Variants in MED12L observed in about 807,000 individuals in gnomAD.
MED12L encodes the protein mediator of RNA polymerase II transcription subunit 12-like protein.
Under a neutral mutation model 281.3 loss-of-function variants are expected in MED12L, and 60 were observed. That is an observed-to-expected ratio of 0.21 (90% CI 0.17 to 0.26). The LOEUF (loss-of-function observed/expected upper bound fraction) is 0.26, where lower values mean the gene tolerates loss of function less well. Ranked by LOEUF, MED12L falls within the 10% of genes least tolerant of loss-of-function variation. MED12L has a pLI of 1.00. For missense variants in MED12L, 2,146 were observed against 2,680.9 expected (o/e 0.80, Z 4.41); for synonymous variants, 974 against 987.2 (o/e 0.99, Z 0.25).
intron 2 of MED12L, among the ~76,000 whole-genome samples, chr3:151,105,014 A>G (rs1576732931): frequency 6.6e-6 from 1 of 152,198 alleles, no homozygotes; most frequent in East Asian, 1.9e-4. Context: ...TCCCATGCAC[A>G]GGTACAGGGG....
chr3:151,339,021 T>G (rs149368673), intron 16 of MED12L, among the ~76,000 whole-genome samples: 2 of 152,300 alleles, frequency 1.3e-5, no homozygotes, highest in African/African-American at 4.8e-5. Context: ...TCCCAAAATA[T>G]TTCATTGCAG....
chr3:151,145,872 C>G (rs1327340744), intron 5 of MED12L, among the ~76,000 whole-genome samples: 2 of 152,214 alleles, frequency 1.3e-5, no homozygotes, highest in Non-Finnish European at 2.9e-5. Flanking sequence ...GTTTCCTCTT[C>G]TGCCTCACAA....
intron 35 of MED12L, 79 bp from the exon 36 acceptor site, chr3:151,384,951 A>C (rs925178225): frequency 2.9e-5 from 23 of 796,626 alleles, no homozygotes; most frequent in Admixed American, 4.1e-5. Context: ...TCATAGGGGA[A>C]CTTCCTTCTG....
intron 16 of MED12L, among the ~76,000 whole-genome samples, chr3:151,244,313 C>A (rs1349935031): frequency 8.1e-6 from 1 of 123,720 alleles, no homozygotes. Context: ...ACAGAATATA[C>A]ATTTTTTTCA....
chr3:151,365,564 A>T (rs1311364168), intron 22 of MED12L, among the ~76,000 whole-genome samples: 2 of 152,222 alleles, frequency 1.3e-5, no homozygotes, highest in Non-Finnish European at 2.9e-5. Context: ...GATGCCCTTA[A>T]AAATGTAAAT....
intron 16 of MED12L, among the ~76,000 whole-genome samples, chr3:151,305,674 G>A (rs1012872409): frequency 3.9e-5 from 6 of 151,914 alleles, no homozygotes; most frequent in African/African-American, 1.5e-4. Flanking sequence ...TGAAATTGCA[G>A]TTCTATTATA....
chr3:151,356,168 G>C, intron 19 of MED12L, 129 bp downstream of exon 19: 3 of 904,744 alleles, frequency 3.3e-6, no homozygotes, highest in Non-Finnish European at 4.8e-6. Context: ...GGGAGGCCGA[G>C]GTAGGAGGAT....
intron 15 of MED12L, 123 bp from the exon 16 acceptor site, chr3:151,193,366 TG>T: frequency 3.1e-6 from 2 of 643,062 alleles, no homozygotes; most frequent in Non-Finnish European, 5.3e-6. Flanking sequence ...CATATTTTTT[TG>T]CTAAGTGGTT....
At chr3:151,392,599 T>C (rs1425951208) in intron 38 of MED12L, among the ~76,000 whole-genome samples, 2 of 152,084 alleles carry the variant, frequency 1.3e-5, no homozygotes, top group Non-Finnish European at 2.9e-5. Flanking sequence ...AGACAGTATG[T>C]ACAGCATGAT....
At chr3:151,432,590 T>G in intron 44 of MED12L, 162 bp from the exon 45 acceptor site, 1 of 555,622 alleles carries the variant, frequency 1.8e-6, no homozygotes, top group Non-Finnish European at 3.2e-6. Flanking sequence ...GGGTGGTACT[T>G]GAATCCCACC....
chr3:151,294,795 G>A (rs1744847233), intron 16 of MED12L: 4 of 1,614,094 alleles, frequency 2.5e-6, no homozygotes, highest in East Asian at 2.2e-5. Flanking sequence ...CTGTACATCC[G>A]AGAGTCCCCA....
chr3:151,325,025 C>A (rs892795995), intron 16 of MED12L, among the ~76,000 whole-genome samples: 1 of 151,938 alleles, frequency 6.6e-6, no homozygotes, highest in African/African-American at 2.4e-5. Flanking sequence ...CAGTTTATGT[C>A]GGGGTAAGAG....
rs1310826665 is a variant in MED12L, at chr3:151,337,734, C to T, written c.2251-12325C>T. The T allele has an allele frequency of 3.9e-5, 53 of 1,368,416 alleles. No individual in the cohort carries two copies. The East Asian group carries it at 8.2e-4, about 21-fold the overall frequency. The allele number at this position is 1,368,416 out of a possible 1,614,324, so 84.8% of individuals were successfully genotyped here. On this transcript the variant is annotated intron_variant, in intron 16 of 44. Transcript: ENST00000687756. Reference sequence around the variant, plus strand: ...ATTATTATTAACTTAGTTGCTTCTTCGTCAGTTAATATTTTTACTTAGCGC... The same window carrying T: ...ATTATTATTAACTTAGTTGCTTCTTTGTCAGTTAATATTTTTACTTAGCGC...
chr3:151,092,755 C>A (rs1330900400), intron 2 of MED12L, among the ~76,000 whole-genome samples: 1 of 152,206 alleles, frequency 6.6e-6, no homozygotes, highest in Non-Finnish European at 1.5e-5. Context: ...AAGGGAGATA[C>A]TTCATTTCAG....
chr3:151,429,081 ACTCACTGACTGCCC>A (rs1719173395), intron 43 of MED12L, among the ~76,000 whole-genome samples: 1 of 152,136 alleles, frequency 6.6e-6, no homozygotes, highest in African/African-American at 2.4e-5. Context: ...GTGATGGCCC[ACTCACTGACTGCCC>A]CTAATCCCAG....
At chr3:151,196,548 A>G (rs1462012805) in intron 16 of MED12L, among the ~76,000 whole-genome samples, 1 of 152,234 alleles carries the variant, frequency 6.6e-6, no homozygotes, top group Non-Finnish European at 1.5e-5. Context: ...AAACAGTTTC[A>G]TGATGCTATT....
At chr3:151,305,110 G>A (rs978308234) in intron 16 of MED12L, among the ~76,000 whole-genome samples, 72 of 152,204 alleles carry the variant, frequency 4.7e-4, no homozygotes, top group African/African-American at 1.7e-3. Flanking sequence ...AGCGCTCCCT[G>A]TGTGCTTTTA....
chr3:151,293,960 C>G (rs1181595732), intron 16 of MED12L: 6 of 528,746 alleles, frequency 1.1e-5, no homozygotes, highest in Non-Finnish European at 2.0e-5. Flanking sequence ...CCTCAGACTT[C>G]CAGCCATTAA....
intron 38 of MED12L, 96 bp downstream of exon 38, chr3:151,390,231 C>T: frequency 1.7e-6 from 2 of 1,209,070 alleles, no homozygotes; most frequent in Non-Finnish European, 2.4e-6. Context: ...TTGGACATTT[C>T]AACCACTGAG....
Sources: gnomAD v4.1 joint callset for allele counts (sites outside exome capture counted in the v4.1 genomes callset) on GRCh38, gnomAD v4.1.1 for gene constraint, MANE v1.5 for transcripts, NCBI Gene and HGNC (gene_info 2026-07-23, HGNC 2026-07-21) for gene names.